Variants in ST6GALNAC5 observed in about 807,000 individuals in gnomAD.
The protein encoded by ST6GALNAC5 is alpha-N-acetylgalactosaminide alpha-2,6-sialyltransferase 5.
Under a neutral mutation model 33.6 loss-of-function variants are expected in ST6GALNAC5, and 27 were observed. That is an observed-to-expected ratio of 0.80 (90% CI 0.59 to 1.11). The LOEUF is 1.11. Among genes scored for constraint, ST6GALNAC5 ranks in the 50% least tolerant of loss-of-function variants. The pLI, the probability that ST6GALNAC5 is intolerant of heterozygous loss-of-function variation, is 0.00. For synonymous variants in ST6GALNAC5, 194 were observed against 171.2 expected, an observed-to-expected ratio of 1.13 and a Z score of -1.04; for missense variants, 428 against 454.0, an observed-to-expected ratio of 0.94 and a Z score of 0.52.
At chr1:76,982,240 C>A (rs550071416) in intron 2 of ST6GALNAC5, among the ~76,000 whole-genome samples, 12 of 152,214 alleles carry the variant, frequency 7.9e-5, no homozygotes, top group African/African-American at 2.9e-4. Flanking sequence ...TGTTCAAACC[C>A]ATCGCAAGGA....
intron 2 of ST6GALNAC5, among the ~76,000 whole-genome samples, chr1:76,899,222 A>G (rs899424668): frequency 6.6e-6 from 1 of 152,090 alleles, no homozygotes; most frequent in Non-Finnish European, 1.5e-5. Context: ...GTTCTTAAGA[A>G]CACAGGCTAA....
At chr1:76,897,691 G>C (rs1039210785) in intron 2 of ST6GALNAC5, among the ~76,000 whole-genome samples, 1 of 152,292 alleles carries the variant, frequency 6.6e-6, no homozygotes, top group African/African-American at 2.4e-5. Context: ...AGATGTAGCT[G>C]TAATCCAGGA....
intron 2 of ST6GALNAC5, among the ~76,000 whole-genome samples, chr1:77,039,086 A>G (rs1651750836): frequency 6.6e-6 from 1 of 152,192 alleles, no homozygotes; most frequent in Non-Finnish European, 1.5e-5. Flanking sequence ...GTGTGTGTGT[A>G]TCTGCACACT....
At chr1:76,970,390 C>G (rs1303505745) in intron 2 of ST6GALNAC5, among the ~76,000 whole-genome samples, 1 of 151,596 alleles carries the variant, frequency 6.6e-6, no homozygotes, top group Non-Finnish European at 1.5e-5. Context: ...AACCATGGCA[C>G]GAGAACTACA....
chr1:76,895,376 G>A (rs1570647452), intron 2 of ST6GALNAC5, among the ~76,000 whole-genome samples: 1 of 152,256 alleles, frequency 6.6e-6, no homozygotes, highest in East Asian at 1.9e-4. Flanking sequence ...ACCTAGAGTG[G>A]GAGAGATTAA....
intron 4 of ST6GALNAC5, among the ~76,000 whole-genome samples, chr1:77,062,235 C>T (rs1207251640): frequency 6.6e-6 from 1 of 152,080 alleles, no homozygotes; most frequent in Non-Finnish European, 1.5e-5. Flanking sequence ...ACCCAATAAA[C>T]AAGTAAACAG....
chr1:76,929,548 GAAAAAA>G, intron 2 of ST6GALNAC5, among the ~76,000 whole-genome samples: 1 of 152,102 alleles, frequency 6.6e-6, no homozygotes, highest in African/African-American at 2.4e-5. Flanking sequence ...CTAAGAAGAA[GAAAAAA>G]ACTGCATCTG....
At chr1:76,928,963 A>G (rs1370469425) in intron 2 of ST6GALNAC5, among the ~76,000 whole-genome samples, 1 of 152,104 alleles carries the variant, frequency 6.6e-6, no homozygotes, top group Admixed American at 6.5e-5. Flanking sequence ...GCCCAATGTC[A>G]CCATCTTAGC....
At chr1:76,902,655 C>T (rs1201310144) in intron 2 of ST6GALNAC5, among the ~76,000 whole-genome samples, 4 of 151,958 alleles carry the variant, frequency 2.6e-5, no homozygotes, top group Admixed American at 2.6e-4. Flanking sequence ...AATAAAGTGA[C>T]GATAATCAAA....
chr1:76,877,122 C>T (rs1462992713), intron 2 of ST6GALNAC5, among the ~76,000 whole-genome samples: 2 of 152,104 alleles, frequency 1.3e-5, no homozygotes, highest in African/African-American at 4.8e-5. Flanking sequence ...TGACCCATAG[C>T]CAAATGATCA....
At chr1:76,997,095 C>T (rs1649967112) in intron 2 of ST6GALNAC5, among the ~76,000 whole-genome samples, 1 of 152,208 alleles carries the variant, frequency 6.6e-6, no homozygotes, top group Non-Finnish European at 1.5e-5. Context: ...AAGGTGAGGT[C>T]TCACCAAGTG....
chr1:76,915,162 A>G (rs1646957389), intron 2 of ST6GALNAC5, among the ~76,000 whole-genome samples: 1 of 151,810 alleles, frequency 6.6e-6, no homozygotes, highest in Non-Finnish European at 1.5e-5. Flanking sequence ...CACACCAGTT[A>G]GAATGGCAAT....
chr1:76,966,677 G>A (rs1344012484), intron 2 of ST6GALNAC5, among the ~76,000 whole-genome samples: 1 of 152,192 alleles, frequency 6.6e-6, no homozygotes, highest in African/African-American at 2.4e-5. Context: ...TCTTGTGCCA[G>A]TTTTCAAAGG....
Position 77,066,252 on chromosome 1 carries a change from T to G in ST6GALNAC5, c.*3046T>G, listed in dbSNP as rs1216655043. Among the ~76,000 whole-genome samples, 1 of 151,878 alleles carries G rather than the reference T, an allele frequency of 6.6e-6. No homozygotes were observed. The highest frequency in any genetic ancestry group is 1.5e-5 in the Non-Finnish European group (1 of 67,942). ...TCATCAGATTTCAGAGTAAGATCTT[T>G]TCTTTAAAAAAAAAAATAGATGAAA... is the stretch of plus-strand genomic sequence containing the variant. On this transcript the variant is annotated 3_prime_UTR_variant, in exon 5 of 5. Coordinates refer to ENST00000477717, the MANE Select transcript of ST6GALNAC5 (RefSeq NM_030965.3).
chr1:77,032,871 T>A (rs997917027), intron 2 of ST6GALNAC5, among the ~76,000 whole-genome samples: 3 of 152,224 alleles, frequency 2.0e-5, no homozygotes, highest in African/African-American at 7.2e-5. Context: ...TTCTCAGTTA[T>A]CTTCCAGATT....
chr1:76,873,597 C>G (rs1653560185), intron 2 of ST6GALNAC5, among the ~76,000 whole-genome samples: 2 of 152,238 alleles, frequency 1.3e-5, no homozygotes, highest in Non-Finnish European at 2.9e-5. Flanking sequence ...AATCTCAAGA[C>G]CCTAGTATGT....
intron 2 of ST6GALNAC5, among the ~76,000 whole-genome samples, chr1:76,925,957 A>G (rs949686584): frequency 1.3e-5 from 2 of 152,178 alleles, no homozygotes; most frequent in African/African-American, 4.8e-5. Context: ...TAGGTACCAC[A>G]TGCAGATTTG....
At chr1:76,899,272 A>G (rs766792008) in intron 2 of ST6GALNAC5, among the ~76,000 whole-genome samples, 1 of 152,000 alleles carries the variant, frequency 6.6e-6, no homozygotes, top group African/African-American at 2.4e-5. Flanking sequence ...GCTTGCCCAT[A>G]GTGAAGGAGG....
chr1:76,976,273 T>G (rs1341316207), intron 2 of ST6GALNAC5, among the ~76,000 whole-genome samples: 2 of 152,172 alleles, frequency 1.3e-5, no homozygotes, highest in Admixed American at 6.5e-5. Flanking sequence ...ATATTTAATG[T>G]ATTTTTCTCC....
Sources: allele counts gnomAD v4.1 joint callset (sites outside exome capture counted in the v4.1 genomes callset), GRCh38; gene constraint gnomAD v4.1.1; transcripts MANE v1.5; gene names NCBI Gene and HGNC (gene_info 2026-07-23, HGNC 2026-07-21).